The following PCBP3 variants were observed in gnomAD, a reference collection of about 807,000 sequenced individuals.
The protein encoded by PCBP3 is poly(rC)-binding protein 3.
A neutral mutation model predicts 52.7 loss-of-function variants in PCBP3; 25 were observed. That is an observed-to-expected ratio of 0.47 (90% CI 0.35 to 0.66). PCBP3 has a LOEUF of 0.66. Among genes scored for constraint, PCBP3 ranks in the 30% least tolerant of loss-of-function variants. PCBP3 has a pLI of 0.01. For synonymous variants in PCBP3, 162 were observed against 183.0 expected, an observed-to-expected ratio of 0.89 and a Z score of 0.93; for missense variants, 391 against 490.3, an observed-to-expected ratio of 0.80 and a Z score of 1.91.
At chr21:45,702,539 A>G (rs2083194717) in intron 2 of PCBP3, among the ~76,000 whole-genome samples, 1 of 152,248 alleles carries the variant, frequency 6.6e-6, no homozygotes, top group Admixed American at 6.5e-5. Context: ...TGTGTGCAAT[A>G]GCATTATGTC....
chr21:45,840,426 C>T (rs1044795733), intron 4 of PCBP3, among the ~76,000 whole-genome samples: 1 of 143,008 alleles, frequency 7.0e-6, no homozygotes, highest in African/African-American at 2.7e-5. Context: ...CACTGCACTC[C>T]AGCCTGGGTG....
In PCBP3 at chr21:45,821,435, T is replaced by C. The variant is rs1408653891; in HGVS notation, c.-125-28526T>C. ...CAACACTCTTCCCCCTGCACCGTGCTGTGGGCCCCGCACCTTCCCCCAACT... is the reference window on the plus strand; with the variant it reads ...CAACACTCTTCCCCCTGCACCGTGCCGTGGGCCCCGCACCTTCCCCCAACT... On this transcript the variant is annotated intron_variant, in intron 4 of 17. Transcript: ENST00000681687. This position sits in a 1 kb window ranked among gnomAD's most constrained non-coding sequence, Gnocchi z 4.4. Among the ~76,000 whole-genome samples, 3 of 142,100 alleles carry C rather than the reference T, an allele frequency of 2.1e-5. No homozygotes were observed. The highest frequency in any genetic ancestry group is 3.0e-5 in the Non-Finnish European group (2 of 65,642). The allele number at this position is 142,100 out of a possible 152,430, so 93.2% of individuals were successfully genotyped here. A position where few individuals can be genotyped will look rare whatever the true frequency, so the allele number is the denominator to read the frequency against.
intron 5 of PCBP3, among the ~76,000 whole-genome samples, chr21:45,857,201 A>C (rs2094333377): frequency 6.6e-6 from 1 of 152,236 alleles, no homozygotes; most frequent in African/African-American, 2.4e-5. Context: ...ACGGCTTTGT[A>C]GGACCATCTC....
intron 2 of PCBP3, among the ~76,000 whole-genome samples, chr21:45,670,503 T>C (rs2147269753): frequency 6.6e-6 from 1 of 152,308 alleles, no homozygotes; most frequent in East Asian, 1.9e-4. Context: ...TAATTTGGGA[T>C]GATTATTGTT....
At chr21:45,891,577 G>A (rs774333964) in intron 5 of PCBP3, among the ~76,000 whole-genome samples, 20 of 152,126 alleles carry the variant, frequency 1.3e-4, no homozygotes, top group Non-Finnish European at 2.6e-4. Flanking sequence ...GGGCAGTGGC[G>A]GGTGGAGTGG....
chr21:45,712,495 G>A (rs891582101), intron 2 of PCBP3, among the ~76,000 whole-genome samples: 1 of 152,120 alleles, frequency 6.6e-6, no homozygotes, highest in Admixed American at 6.5e-5. Context: ...TAATTTTGAT[G>A]TGTTTAATGT....
Position 45,800,736 on chromosome 21 carries a change from A to G in PCBP3, c.-126+45284A>G, listed in dbSNP as rs973396914. Among the ~76,000 whole-genome samples, 3 of 152,210 alleles carry G rather than the reference A, an allele frequency of 2.0e-5. No individual in the cohort carries two copies. Among genetic ancestry groups the G allele is most frequent in the African/African-American group, 7.2e-5 (3 of 41,464 alleles). On this transcript the variant is annotated intron_variant, in intron 4 of 17. Transcript: ENST00000681687. This position sits in a 1 kb window ranked among gnomAD's most constrained non-coding sequence, Gnocchi z 5.3. ...CTGGGCCATGTGCCTCACTATGCCT[A>G]GGCCACAGCCCGGGAGGGAGGATGT...
rs529356781 is a variant in PCBP3 at position 45,904,311 on chromosome 21, C to A, written c.339+3198C>A. ...TATGGCCAAGGAAGCTCGAGGGATTCGGACAGTTTTCATCTTTTGGTCCTT... is the reference window on the plus strand; with the variant it reads ...TATGGCCAAGGAAGCTCGAGGGATTAGGACAGTTTTCATCTTTTGGTCCTT... On this transcript the variant is annotated intron_variant, in intron 9 of 17. Transcript: ENST00000681687. The surrounding 1 kb of genome is among the most constrained non-coding windows in gnomAD (Gnocchi z 4.8). Among the ~76,000 whole-genome samples, 1 of 152,030 alleles carries A rather than the reference C, an allele frequency of 6.6e-6. No homozygotes were observed. The highest frequency in any genetic ancestry group is 1.5e-5 in the Non-Finnish European group (1 of 68,022).
intron 2 of PCBP3, among the ~76,000 whole-genome samples, chr21:45,669,803 GTGTATATATATATA>G (rs1423325368): frequency 4.8e-3 from 261 of 54,386 alleles, no homozygotes; most frequent in Non-Finnish European, 7.6e-3. Context: ...GTGTGTGTGT[GTGTATATATATATA>G]TATATATATA....
At chr21:45,890,302 C>T (rs773456638) in intron 5 of PCBP3, among the ~76,000 whole-genome samples, 2 of 152,202 alleles carry the variant, frequency 1.3e-5, no homozygotes, top group East Asian at 1.9e-4. Flanking sequence ...CAGCTCTGTG[C>T]GCAGCTGAGG....
At chr21:45,644,637 C>G (rs2079140002) in intron 1 of PCBP3, among the ~76,000 whole-genome samples, 1 of 152,090 alleles carries the variant, frequency 6.6e-6, no homozygotes, top group Non-Finnish European at 1.5e-5. Flanking sequence ...GGTTGGTTAT[C>G]TTCCACCGTC....
chr21:45,683,981 A>G (rs886256155), intron 2 of PCBP3, among the ~76,000 whole-genome samples: 27 of 150,610 alleles, frequency 1.8e-4, no homozygotes, highest in Admixed American at 6.6e-4. Flanking sequence ...TCATACCTGT[A>G]ATCTCAGTGC....
chr21:45,860,752 T>C (rs537835886), intron 5 of PCBP3, among the ~76,000 whole-genome samples: 1 of 152,200 alleles, frequency 6.6e-6, no homozygotes, highest in Non-Finnish European at 1.5e-5. Context: ...CACAGGCAGT[T>C]ACACACACGT....
chr21:45,877,929 C>T (rs7277704), intron 5 of PCBP3, among the ~76,000 whole-genome samples: 2,651 of 152,370 alleles, frequency 0.017, 63 homozygotes, highest in East Asian at 0.11. Context: ...CGGGAGGCGG[C>T]AGTGGGAGCA....
chr21:45,917,478 C>G lies in PCBP3; in HGVS notation c.676-110C>G. 1 of 823,886 alleles carries G rather than the reference C, an allele frequency of 1.2e-6. No homozygotes were observed. The highest frequency in any genetic ancestry group is 2.0e-6 in the Non-Finnish European group (1 of 488,196). 51.0% of individuals were successfully genotyped at this position (823,886 alleles called of 1,614,324 possible). A position where few individuals can be genotyped will look rare whatever the true frequency, so the allele number is the denominator to read the frequency against. Reference sequence around the variant, plus strand: ...GGATGGGGACAGGTGGAGAGGCACACGAGGGGGAAGCTTCTACCGGAGGGT... The same window carrying G: ...GGATGGGGACAGGTGGAGAGGCACAGGAGGGGGAAGCTTCTACCGGAGGGT... On this transcript the variant is annotated intron_variant, in intron 12 of 17. Coordinates refer to ENST00000681687, the MANE Select transcript of PCBP3 (RefSeq NM_001384156.1). This position sits in a 1 kb window ranked among gnomAD's most constrained non-coding sequence, Gnocchi z 5.3.
At chr21:45,679,135 T>C (rs2081661764) in intron 2 of PCBP3, among the ~76,000 whole-genome samples, 1 of 151,890 alleles carries the variant, frequency 6.6e-6, no homozygotes, top group Admixed American at 6.6e-5. Flanking sequence ...TCTTTGTTGT[T>C]TTTTTGAGAT....
At chr21:45,892,597 G>A (rs1192581032) in intron 5 of PCBP3, among the ~76,000 whole-genome samples, 9 of 152,274 alleles carry the variant, frequency 5.9e-5, no homozygotes, top group East Asian at 3.9e-4. Context: ...TGGTCTGTGC[G>A]GCAGGTCCAG....
intron 4 of PCBP3, among the ~76,000 whole-genome samples, chr21:45,806,724 C>T (rs940830449): frequency 1.3e-5 from 2 of 152,064 alleles, no homozygotes; most frequent in South Asian, 2.1e-4. Context: ...GGACCCAGGC[C>T]GCAGAGTCCC....
rs1378220977 is a variant in PCBP3 at position 45,827,221 on chromosome 21, G to A, written c.-125-22740G>A. Among the ~76,000 whole-genome samples the A allele has an allele frequency of 1.3e-5, 2 of 152,190 alleles. No individual in the cohort carries two copies. Among genetic ancestry groups the A allele is most frequent in the East Asian group, 1.9e-4 (1 of 5,182 alleles). On this transcript the variant is annotated intron_variant, in intron 4 of 17. Transcript: ENST00000681687. The surrounding 1 kb of genome is among the most constrained non-coding windows in gnomAD (Gnocchi z 4.3). ...CCATCTGGGCATCAGCTGAGGCCAG[G>A]GGCGGAACCTAGATGCCTCTTCTAA...
Sources: gnomAD v4.1 joint callset for allele counts (sites outside exome capture counted in the v4.1 genomes callset) on GRCh38, gnomAD v4.1.1 for gene constraint, Gnocchi (gnomAD v3.1) non-coding constraint, MANE v1.5 for transcripts, NCBI Gene and HGNC (gene_info 2026-07-23, HGNC 2026-07-21) for gene names.